Variants in FREM1 observed in about 807,000 individuals in gnomAD.
FREM1 encodes FRAS1-related extracellular matrix protein 1.
A neutral mutation model predicts 210.1 loss-of-function variants in FREM1; 220 were observed. The observed-to-expected ratio is 1.05, with a 90% CI of 0.94 to 1.17. The LOEUF is 1.17. FREM1 is among the 50% of genes most tolerant of loss of function. The pLI, the probability that FREM1 is intolerant of heterozygous loss-of-function variation, is 0.00. For synonymous variants in FREM1, 1,189 were observed against 980.2 expected (o/e 1.21, Z -3.98); for missense variants, 3,454 against 2,675.5 (o/e 1.29, Z -6.42).
chr9:14,759,937 C>T, intron 27 of FREM1, 36 bp from the exon 28 acceptor site: 2 of 1,584,848 alleles, frequency 1.3e-6, no homozygotes, highest in Non-Finnish European at 1.7e-6. Flanking sequence ...CATGAGAATG[C>T]ATAGTATATG....
Position 14,805,032 on chromosome 9 carries a change from G to C in FREM1, c.3395C>G (p.Ser1132Cys). Residue 1132 changes from serine to cysteine, a missense_variant, in exon 19 of 37, where the codon TCC (serine) becomes TGC (cysteine). Transcript: ENST00000380880. ...TATAATAGAAAATGGTATCTCCAAG[G>C]AGTGATGCTTCCCATCTGTGACGTA... ...TVYVTDGKHH[S>C]LEIPFSIIIN... The C allele has an allele frequency of 1.2e-6, 2 of 1,613,702 alleles. No homozygotes were observed. The highest frequency in any genetic ancestry group is 8.5e-7 in the Non-Finnish European group (1 of 1,179,624).
At chr9:14,761,031 A>G (rs765015297) in intron 27 of FREM1, among the ~76,000 whole-genome samples, 1 of 151,796 alleles carries the variant, frequency 6.6e-6, no homozygotes, top group Non-Finnish European at 1.5e-5. Flanking sequence ...TCAGATTTAG[A>G]CTCTTTCCTC....
chr9:14,803,256 CCTCT>C (rs1261914337), intron 19 of FREM1, among the ~76,000 whole-genome samples: 2 of 118,394 alleles, frequency 1.7e-5, no homozygotes, highest in Admixed American at 9.5e-5. Context: ...TTCCTCTCTT[CCTCT>C]CTTTCTTTCC....
intron 20 of FREM1, among the ~76,000 whole-genome samples, chr9:14,800,552 T>C (rs1284745507): frequency 6.6e-6 from 1 of 152,226 alleles, no homozygotes; most frequent in Non-Finnish European, 1.5e-5. Flanking sequence ...TGGTTCTATA[T>C]TTGTTTCAAC....
chr9:14,786,091 A>T (rs1850384142), intron 23 of FREM1, among the ~76,000 whole-genome samples: 1 of 152,212 alleles, frequency 6.6e-6, no homozygotes, highest in Non-Finnish European at 1.5e-5. Flanking sequence ...TATGTCAGGT[A>T]CAGAACTAAA....
In FREM1 at chr9:14,772,182, G is replaced by A. The variant is rs1847689467; in HGVS notation, c.4858-1376C>T. On this transcript the variant is annotated intron_variant, in intron 25 of 36. Coordinates refer to ENST00000380880, the MANE Select transcript of FREM1 (RefSeq NM_001379081.2). ...CAGATATTTTTATATTTTGCTGGTA[G>A]GGGTGCAAAACAGTGAAAATTTTTC... Among the ~76,000 whole-genome samples, 4 of 152,026 alleles carry A rather than the reference G, an allele frequency of 2.6e-5. No individual in the cohort carries two copies. In the South Asian group the frequency reaches 8.3e-4, roughly 32 times the overall value.
At position 14,859,179 on chromosome 9, in the gene FREM1, A is replaced by G; in HGVS notation, c.631+4T>C. 2 of 1,568,498 alleles carry G rather than the reference A, an allele frequency of 1.3e-6. No individual in the cohort carries two copies. The highest frequency in any genetic ancestry group is 1.2e-5 in the South Asian group (1 of 83,368). The stretch of plus-strand genomic sequence containing the variant: ...ACCCAGAAAGGCATTAAAAGACATC[A>G]TACGGGACTCTGGGAAAAAACTGTG... On this transcript the variant is annotated splice_donor_region_variant and intron_variant, in intron 4 of 36. Coordinates refer to ENST00000380880, the MANE Select transcript of FREM1 (RefSeq NM_001379081.2).
chr9:14,766,561 C>T (rs1314683438), intron 27 of FREM1, among the ~76,000 whole-genome samples: 10 of 152,136 alleles, frequency 6.6e-5, no homozygotes, highest in African/African-American at 9.7e-5. Context: ...CAAGCATTTC[C>T]TAATGCTTTT....
Position 14,784,556 on chromosome 9 carries a change from G to T in FREM1, c.4256C>A (p.Ala1419Asp). The change falls in exon 24 of 37, where the codon GCT becomes GAT. Residue 1419 changes from alanine to aspartate, a missense_variant. Physicochemically the swap from Ala to Asp is moderately radical, Grantham distance 126. Transcript: ENST00000380880. ...CTCAGGCTTGTCTGTTCCGTCCACAGCCAGGAGCGTGGTGGTTGTTAAGAA... is the reference window on the plus strand; with the variant it reads ...CTCAGGCTTGTCTGTTCCGTCCACATCCAGGAGCGTGGTGGTTGTTAAGAA... ...RGFLTTTTLL[A>D]VDGTDKPEEL... 6.2e-7 allele frequency: 1 copy of T among 1,613,230 alleles called. No homozygotes were observed. The highest frequency in any genetic ancestry group is 8.5e-7 in the Non-Finnish European group (1 of 1,179,560).
chr9:14,871,292 T>A (rs1029990973), intron 1 of FREM1, among the ~76,000 whole-genome samples: 2 of 152,234 alleles, frequency 1.3e-5, no homozygotes, highest in African/African-American at 4.8e-5. Flanking sequence ...GTTTTCCTAT[T>A]TCTCCACATC....
intron 27 of FREM1, among the ~76,000 whole-genome samples, chr9:14,761,095 ATTCTGGGTGCCACCATATGGAACATGTG>A (rs757287498): frequency 5.3e-5 from 8 of 152,172 alleles, no homozygotes; most frequent in Non-Finnish European, 1.2e-4. Context: ...GGAACTAGAA[ATTCTGGGTGCCACCATATGGAACATGTG>A]TTCACATATT....
In FREM1 at chr9:14,842,286, T is replaced by A. The variant is rs1290506958; in HGVS notation, c.1738+30A>T. ...GTTCTCTATGGAAGAGTGAATTCCATTCAAATGATCTTAACTGCCCAGAAC... is the reference window on the plus strand; with the variant it reads ...GTTCTCTATGGAAGAGTGAATTCCAATCAAATGATCTTAACTGCCCAGAAC... On this transcript the variant is annotated intron_variant, in intron 9 of 36. Transcript: ENST00000380880. The A allele has an allele frequency of 2.9e-6, 4 of 1,380,612 alleles. No homozygotes were observed. In the African/African-American group the frequency reaches 5.8e-5, roughly 20 times the overall value. 85.5% of individuals were successfully genotyped at this position (1,380,612 alleles called of 1,614,324 possible). A position where few individuals can be genotyped will look rare whatever the true frequency, so the allele number is the denominator to read the frequency against.
intron 21 of FREM1, among the ~76,000 whole-genome samples, chr9:14,796,888 C>G (rs987931296): frequency 6.6e-6 from 1 of 152,146 alleles, no homozygotes; most frequent in African/African-American, 2.4e-5. Context: ...AGTGTGAGAA[C>G]AGACTAATAC....
intron 1 of FREM1, among the ~76,000 whole-genome samples, chr9:14,902,558 T>C (rs1214281961): frequency 1.3e-5 from 2 of 152,046 alleles, no homozygotes; most frequent in Non-Finnish European, 2.9e-5. Context: ...TCAGCAACAA[T>C]CCATGAGTGA....
At position 14,750,279 on chromosome 9, in the gene FREM1, AC is replaced by A. The variant is rs1355987593; in HGVS notation, c.5408-4del. 4.4e-6 allele frequency: 7 copies of A among 1,603,134 alleles called. No homozygotes were observed. The highest frequency in any genetic ancestry group is 6.0e-6 in the Non-Finnish European group (7 of 1,172,646). The stretch of plus-strand genomic sequence containing the variant: ...ATTCCACATCTTAGTTGACATTCCT[AC>A]AAGAAGTAAACATTTTAATTACTCT... On this transcript the variant is annotated splice_region_variant and splice_polypyrimidine_tract_variant and intron_variant, in intron 29 of 36. Coordinates refer to ENST00000380880, the MANE Select transcript of FREM1 (RefSeq NM_001379081.2).
At chr9:14,846,604 C>A (rs941173602) in intron 7 of FREM1, among the ~76,000 whole-genome samples, 1 of 152,132 alleles carries the variant, frequency 6.6e-6, no homozygotes, top group Admixed American at 6.5e-5. Flanking sequence ...GAGTGAATTT[C>A]CACTCATGAA....
chr9:14,871,884 C>G (rs1832747279), intron 1 of FREM1, among the ~76,000 whole-genome samples: 1 of 152,124 alleles, frequency 6.6e-6, no homozygotes, highest in African/African-American at 2.4e-5. Flanking sequence ...GTACATATGG[C>G]TAGCCAGTTT....
Position 14,840,466 on chromosome 9 carries a change from G to A in FREM1, c.1881+981C>T, listed in dbSNP as rs952771157. Among the ~76,000 whole-genome samples the A allele has an allele frequency of 4.6e-5, 7 of 152,288 alleles. No individual in the cohort carries two copies. In the South Asian group the frequency reaches 6.2e-4, roughly 14 times the overall value. On this transcript the variant is annotated intron_variant, in intron 10 of 36. Coordinates refer to ENST00000380880, the MANE Select transcript of FREM1 (RefSeq NM_001379081.2). Reference sequence around the variant, plus strand: ...CAGAAGGCAAAAAGGATCAAGTCTCGTCTTACATGGATGGCAGCAGGCAGA... The same window carrying A: ...CAGAAGGCAAAAAGGATCAAGTCTCATCTTACATGGATGGCAGCAGGCAGA...
intron 2 of FREM1, among the ~76,000 whole-genome samples, chr9:14,866,938 C>T (rs1023529149): frequency 6.6e-6 from 1 of 152,188 alleles, no homozygotes; most frequent in Non-Finnish European, 1.5e-5. Flanking sequence ...TGGCTCACTG[C>T]AACTTCCGCC....
Sources: allele counts gnomAD v4.1 joint callset (sites outside exome capture counted in the v4.1 genomes callset), GRCh38; gene constraint gnomAD v4.1.1; transcripts MANE v1.5; gene names NCBI Gene and HGNC (gene_info 2026-07-23, HGNC 2026-07-21).